The following ARPP21 variants were observed in gnomAD, a reference collection of about 807,000 sequenced individuals.
ARPP21 encodes cAMP-regulated phosphoprotein 21.
In ARPP21, 69 loss-of-function variants were observed where a neutral mutation model predicts 113.2. The ratio of observed to expected loss-of-function variants is 0.61; its 90% CI spans 0.50 to 0.74. The LOEUF (loss-of-function observed/expected upper bound fraction) is 0.74, where lower values mean the gene tolerates loss of function less well. Among genes scored for constraint, ARPP21 ranks in the 30% least tolerant of loss-of-function variants. The probability of loss-of-function intolerance (pLI) is 0.00; values close to 1 mark genes in which losing one functional copy is unlikely to be tolerated. For missense variants in ARPP21, 1,070 were observed against 1,037.4 expected (o/e 1.03, Z -0.43); for synonymous variants, 368 against 375.5 (o/e 0.98, Z 0.23).
chr3:35,780,028 T>C (rs2096485292), intron 19 of ARPP21, among the ~76,000 whole-genome samples: 1 of 152,198 alleles, frequency 6.6e-6, no homozygotes. Flanking sequence ...CAGATTTTTT[T>C]ACACTATTGT....
chr3:35,751,393 G>A (rs1361715784), intron 19 of ARPP21, among the ~76,000 whole-genome samples: 1 of 152,068 alleles, frequency 6.6e-6, no homozygotes, highest in Admixed American at 6.6e-5. Context: ...TCCTAAAAAT[G>A]CATAGTATTG....
chr3:35,714,061 C>T (rs1046807058), intron 11 of ARPP21, among the ~76,000 whole-genome samples: 1 of 152,194 alleles, frequency 6.6e-6, no homozygotes, highest in African/African-American at 2.4e-5. Flanking sequence ...ATATCAATGG[C>T]ACATCATTTA....
intron 15 of ARPP21, among the ~76,000 whole-genome samples, chr3:35,734,690 G>A (rs748253100): frequency 5.9e-5 from 9 of 152,160 alleles, no homozygotes; most frequent in Non-Finnish European, 1.0e-4. Context: ...GTTGCCATTC[G>A]TAAGTGAGCT....
chr3:35,790,467 A>AT (rs1384328499), intron 19 of ARPP21, among the ~76,000 whole-genome samples: 4 of 152,234 alleles, frequency 2.6e-5, no homozygotes, highest in Admixed American at 2.6e-4. Context: ...ATGAATCACA[A>AT]TGGGAGACCT....
chr3:35,690,897 C>T lies in ARPP21; in HGVS notation c.578C>T (p.Ser193Leu). 3 of 1,610,058 alleles carry T rather than the reference C, an allele frequency of 1.9e-6. No homozygotes were observed. The highest frequency in any genetic ancestry group is 1.3e-5 in the African/African-American group (1 of 74,686). The change falls in exon 9 of 21, where the codon TCG becomes TTG. Residue 193 changes from serine (S) to leucine (L), a missense_variant. Coordinates refer to ENST00000684406, the MANE Select transcript of ARPP21 (RefSeq NM_001385562.1). Reference protein sequence around the residue: ...NHYKKFPQMSSYQRMLVHRVA... With the variant: ...NHYKKFPQMSLYQRMLVHRVA... ...TATAAAAAGTTCCCTCAGATGTCATCGTATCAGAGGATGCTTGTCCATCGA... is the reference window on the plus strand; with the variant it reads ...TATAAAAAGTTCCCTCAGATGTCATTGTATCAGAGGATGCTTGTCCATCGA...
At chr3:35,767,945 C>T (rs1327018547) in intron 19 of ARPP21, among the ~76,000 whole-genome samples, 2 of 152,068 alleles carry the variant, frequency 1.3e-5, no homozygotes, top group South Asian at 2.1e-4. Flanking sequence ...TCAGGTGCAC[C>T]CATGCTTTTC....
chr3:35,739,538 C>T lies in ARPP21; in HGVS notation c.1971C>T (p.Pro657=), dbSNP rs1413633873. The change falls in exon 18 of 21, where the codon CCC becomes CCT. Residue 657 remains proline (P), a synonymous_variant. Coordinates refer to ENST00000684406, the MANE Select transcript of ARPP21 (RefSeq NM_001385562.1). ...CCCAGCAGGTCCTCCAGCCCCCTCC[C>T]TCACCACAGGGATTTGTGCAACAGC... ...PISQQVLQPP[P]SPQGFVQQPP... The T allele has an allele frequency of 6.2e-7, 1 of 1,613,880 alleles. No homozygotes were observed. Among genetic ancestry groups the T allele is most frequent in the Non-Finnish European group, 8.5e-7 (1 of 1,179,930 alleles).
chr3:35,668,008 GAA>G (rs1559549862), intron 1 of ARPP21, among the ~76,000 whole-genome samples: 8 of 150,508 alleles, frequency 5.3e-5, no homozygotes, highest in African/African-American at 1.7e-4. Context: ...AGAAGAAGAA[GAA>G]GAAGAAGAAG....
intron 19 of ARPP21, among the ~76,000 whole-genome samples, chr3:35,748,188 AAAG>A (rs1167692312): frequency 6.7e-6 from 1 of 149,322 alleles, no homozygotes; most frequent in Non-Finnish European, 1.5e-5. Context: ...AGAAAGAAAG[AAAG>A]AAAGAGAGAG....
At chr3:35,717,580 G>A (rs930968843) in intron 13 of ARPP21, among the ~76,000 whole-genome samples, 4 of 151,844 alleles carry the variant, frequency 2.6e-5, no homozygotes, top group African/African-American at 9.7e-5. Flanking sequence ...GGGTTCTTCT[G>A]GTTTTCTGCT....
chr3:35,758,017 T>C (rs1460561997), intron 19 of ARPP21, among the ~76,000 whole-genome samples: 1 of 152,140 alleles, frequency 6.6e-6, no homozygotes, highest in Non-Finnish European at 1.5e-5. Flanking sequence ...ATCAACTGTG[T>C]TTTTACATAC....
At chr3:35,664,588 C>A (rs1709335851) in intron 1 of ARPP21, among the ~76,000 whole-genome samples, 1 of 152,202 alleles carries the variant, frequency 6.6e-6, no homozygotes, top group African/African-American at 2.4e-5. Context: ...TCAGTGGAAA[C>A]AGCCCGGGCG....
At chr3:35,750,395 T>G (rs976417713) in intron 19 of ARPP21, among the ~76,000 whole-genome samples, 2 of 152,284 alleles carry the variant, frequency 1.3e-5, no homozygotes, top group African/African-American at 4.8e-5. Flanking sequence ...TTCCTGTTAC[T>G]GATTCTTGAT....
chr3:35,679,961 G>A lies in ARPP21; in HGVS notation c.-39+1G>A, dbSNP rs1381415599. 1 of 152,166 alleles carries A rather than the reference G, an allele frequency of 6.6e-6. No individual in the cohort carries two copies. Among genetic ancestry groups the A allele is most frequent in the Non-Finnish European group, 1.5e-5 (1 of 67,852 alleles). The allele number at this position is 152,166 out of a possible 1,614,324, so 9.4% of individuals were successfully genotyped here. On this transcript the variant is annotated splice_donor_variant, in intron 2 of 20. Coordinates refer to ENST00000684406, the MANE Select transcript of ARPP21 (RefSeq NM_001385562.1). LOFTEE classifies it low-confidence loss of function (5UTR_SPLICE). ...CTACAGCAGGAATTCTGCACCAAAG[G>A]TAAAGGTCTTGTTGTCTGGCTGTCA...
At chr3:35,698,337 C>T (rs542318103) in intron 9 of ARPP21, among the ~76,000 whole-genome samples, 5 of 151,606 alleles carry the variant, frequency 3.3e-5, no homozygotes, top group African/African-American at 1.2e-4. Context: ...TGTCGTATTC[C>T]TTTCCCTACT....
chr3:35,675,500 C>T (rs1352348368), intron 1 of ARPP21, among the ~76,000 whole-genome samples: 1 of 151,894 alleles, frequency 6.6e-6, no homozygotes, highest in Non-Finnish European at 1.5e-5. Flanking sequence ...TGCCCATCAG[C>T]TATTGCATTC....
chr3:35,705,734 A>G (rs2088682283), intron 9 of ARPP21, among the ~76,000 whole-genome samples: 1 of 152,142 alleles, frequency 6.6e-6, no homozygotes, highest in African/African-American at 2.4e-5. Flanking sequence ...CCAAACTTTT[A>G]TTGTAAGGAT....
chr3:35,738,283 C>G lies in ARPP21; in HGVS notation c.1714C>G (p.Leu572Val), dbSNP rs2094473668. The G allele has an allele frequency of 3.3e-6, 5 of 1,535,818 alleles. No individual in the cohort carries two copies. The highest frequency in any genetic ancestry group is 2.4e-5 in the East Asian group (1 of 40,908). ...YPAVSFPPQH[L>V]LPVSPTQHFP... ...AGCAGTCTCTTTTCCTCCCCAGCAC[C>G]TCCTACCTGTGTCTCCAACGCAGCA... The change falls in exon 17 of 21, where the codon CTC (leucine) becomes GTC (valine). Residue 572 changes from leucine to valine, a missense_variant. Leu to Val is a conservative substitution (Grantham distance 32, BLOSUM62 1). Transcript: ENST00000684406.
intron 9 of ARPP21, among the ~76,000 whole-genome samples, chr3:35,694,900 C>A (rs1036739783): frequency 1.0e-4 from 15 of 146,512 alleles, no homozygotes; most frequent in African/African-American, 3.2e-4. Flanking sequence ...TATATATATG[C>A]ATTATATATA....
Sources: gnomAD v4.1 joint callset for allele counts (sites outside exome capture counted in the v4.1 genomes callset) on GRCh38, gnomAD v4.1.1 for gene constraint, MANE v1.5 for transcripts, NCBI Gene and HGNC (gene_info 2026-07-23, HGNC 2026-07-21) for gene names.